The following PTPRN2 variants were observed in gnomAD, a reference collection of about 807,000 sequenced individuals.
The protein encoded by PTPRN2 is receptor-type tyrosine-protein phosphatase N2.
A neutral mutation model predicts 118.8 loss-of-function variants in PTPRN2; 74 were observed. The ratio of observed to expected loss-of-function variants is 0.62; its 90% CI spans 0.52 to 0.76. PTPRN2 has a LOEUF of 0.76. Among genes scored for constraint, PTPRN2 ranks in the 30% least tolerant of loss-of-function variants. The probability of loss-of-function intolerance (pLI) is 0.00; values close to 1 mark genes in which losing one functional copy is unlikely to be tolerated. For synonymous variants in PTPRN2, 641 were observed against 608.0 expected (o/e 1.05, Z -0.80); for missense variants, 1,481 against 1,394.4 (o/e 1.06, Z -0.99).
At chr7:157,708,324 C>T (rs1798435775) in intron 12 of PTPRN2, among the ~76,000 whole-genome samples, 1 of 152,206 alleles carries the variant, frequency 6.6e-6, no homozygotes, top group Non-Finnish European at 1.5e-5. Flanking sequence ...CACCCTGTGT[C>T]CCCTTACGAT....
rs917711979 is a variant in PTPRN2, at chr7:157,736,541, G to A, written c.1789-53604C>T. Among the ~76,000 whole-genome samples the A allele has an allele frequency of 5.3e-5, 8 of 152,004 alleles. No individual in the cohort carries two copies. The East Asian group carries it at 1.2e-3, about 22-fold the overall frequency. On this transcript the variant is annotated intron_variant, in intron 12 of 22. Coordinates refer to ENST00000389418, the MANE Select transcript of PTPRN2 (RefSeq NM_002847.5). The stretch of plus-strand genomic sequence containing the variant: ...CGGGAGAGAGGTCACAGGAAGAACC[G>A]CCCCCACCCCCGCCGCCCCCCACAG...
chr7:158,267,376 G>C (rs1293421853), intron 3 of PTPRN2, among the ~76,000 whole-genome samples: 1 of 152,178 alleles, frequency 6.6e-6, no homozygotes, highest in Non-Finnish European at 1.5e-5. Context: ...GAGGGTGTGT[G>C]CTCTCTCCAT....
chr7:158,061,192 C>T (rs747003381), intron 11 of PTPRN2, among the ~76,000 whole-genome samples: 6 of 152,212 alleles, frequency 3.9e-5, no homozygotes, highest in East Asian at 3.8e-4. Flanking sequence ...TGTGATGCAT[C>T]GCAAATTAAA....
chr7:158,578,882 C>G (rs1828487280), intron 1 of PTPRN2, among the ~76,000 whole-genome samples: 1 of 152,126 alleles, frequency 6.6e-6, no homozygotes, highest in Non-Finnish European at 1.5e-5. Context: ...CCTGCCTCAG[C>G]CCCCCAAGTA....
In PTPRN2 at chr7:158,174,857, G is replaced by A. The variant is rs1824041191; in HGVS notation, c.550-7566C>T. ...CCATACCCCTCACCTGTCAAACAGT[G>A]ACACTGCTGAGGAAGTGACTCTCCT... On this transcript the variant is annotated intron_variant, in intron 5 of 22. Transcript: ENST00000389418. 1.3e-5 allele frequency among the ~76,000 whole-genome samples: 2 copies of A among 152,166 alleles called. 1 individual carries two copies. The highest frequency in any genetic ancestry group is 4.1e-4 in the South Asian group (2 of 4,824).
intron 2 of PTPRN2, among the ~76,000 whole-genome samples, chr7:158,334,659 G>C (rs879940079): frequency 6.1e-5 from 2 of 32,780 alleles, no homozygotes; most frequent in Admixed American, 3.2e-4. Flanking sequence ...CATAATTGGT[G>C]ACACCTGCAG....
At chr7:158,146,782 G>A (rs574282359) in intron 6 of PTPRN2, among the ~76,000 whole-genome samples, 1 of 149,512 alleles carries the variant, frequency 6.7e-6, no homozygotes, top group African/African-American at 2.5e-5. Flanking sequence ...ATTTTCTTGA[G>A]GGCTACAACA....
At chr7:158,401,285 G>A (rs1812929355) in intron 2 of PTPRN2, among the ~76,000 whole-genome samples, 1 of 152,214 alleles carries the variant, frequency 6.6e-6, no homozygotes, top group African/African-American at 2.4e-5. Context: ...TATTTTTACT[G>A]GGCTTCTTCC....
intron 2 of PTPRN2, among the ~76,000 whole-genome samples, chr7:158,333,531 A>G (rs1484887414): frequency 2.8e-5 from 4 of 144,110 alleles, no homozygotes; most frequent in African/African-American, 8.3e-5. Context: ...AAGACCTGAC[A>G]CTCGCAGACG....
intron 12 of PTPRN2, among the ~76,000 whole-genome samples, chr7:157,757,195 A>G (rs1801838016): frequency 1.3e-5 from 2 of 150,396 alleles, no homozygotes; most frequent in East Asian, 1.9e-4. Context: ...CCGTGCAGGC[A>G]GAGACCGTCG....
chr7:157,760,931 C>T (rs1466902599), intron 12 of PTPRN2, among the ~76,000 whole-genome samples: 1 of 152,040 alleles, frequency 6.6e-6, no homozygotes, highest in African/African-American at 2.4e-5. Context: ...ATTGCCCTGG[C>T]CAAGCATTCT....
intron 9 of PTPRN2, among the ~76,000 whole-genome samples, chr7:158,113,758 C>T (rs1816487549): frequency 6.7e-6 from 1 of 149,362 alleles, no homozygotes; most frequent in Non-Finnish European, 1.5e-5. Flanking sequence ...ACAAGAAAGC[C>T]ATCTGATGGC....
At chr7:158,569,703 G>GGAACGCGGGGCGCGAGGCCGCCTGACAC (rs1827877783) in intron 1 of PTPRN2, among the ~76,000 whole-genome samples, 1 of 148,694 alleles carries the variant, frequency 6.7e-6, no homozygotes, top group Non-Finnish European at 1.5e-5. Flanking sequence ...CCGCCTGACA[G>GGAACGCGGGGCGCGAGGCCGCCTGACAC]GAACGCGGGG....
At chr7:158,477,586 T>A (rs1040834017) in intron 2 of PTPRN2, among the ~76,000 whole-genome samples, 37 of 152,344 alleles carry the variant, frequency 2.4e-4, no homozygotes, top group African/African-American at 8.2e-4. Context: ...CAGACTTTGC[T>A]GCCATCATCC....
At chr7:157,710,474 ACCGCCCCCACCCCC>A (rs1302143300) in intron 12 of PTPRN2, among the ~76,000 whole-genome samples, 1 of 148,382 alleles carries the variant, frequency 6.7e-6, no homozygotes, top group Non-Finnish European at 1.5e-5. Flanking sequence ...AAGCTGCCTA[ACCGCCCCCACCCCC>A]CCGCCCCGTG....
At chr7:158,020,252 C>G (rs1806772914) in intron 11 of PTPRN2, among the ~76,000 whole-genome samples, 1 of 152,250 alleles carries the variant, frequency 6.6e-6, no homozygotes, top group Non-Finnish European at 1.5e-5. Flanking sequence ...TTACCTCCTT[C>G]AGCCAACACT....
chr7:158,520,098 A>G (rs1823873075), intron 1 of PTPRN2, among the ~76,000 whole-genome samples: 1 of 152,202 alleles, frequency 6.6e-6, no homozygotes, highest in Non-Finnish European at 1.5e-5. Flanking sequence ...CATTTCTTTT[A>G]ACAAAACAAC....
intron 11 of PTPRN2, among the ~76,000 whole-genome samples, chr7:158,058,086 A>G (rs1192851353): frequency 1.3e-5 from 2 of 152,252 alleles, no homozygotes; most frequent in East Asian, 3.8e-4. Flanking sequence ...CTTTTCTTCC[A>G]TGAAAATCTA....
At chr7:158,420,364 G>A (rs1815148600) in intron 2 of PTPRN2, among the ~76,000 whole-genome samples, 1 of 152,098 alleles carries the variant, frequency 6.6e-6, no homozygotes, top group Non-Finnish European at 1.5e-5. Flanking sequence ...TCTCCTTTGA[G>A]GGCAACTGAG....
Sources: allele counts gnomAD v4.1 joint callset (sites outside exome capture counted in the v4.1 genomes callset), GRCh38; gene constraint gnomAD v4.1.1; transcripts MANE v1.5; gene names NCBI Gene and HGNC (gene_info 2026-07-23, HGNC 2026-07-21).